Variants in FUBP3 observed in about 807,000 individuals in gnomAD.
FUBP3 encodes far upstream element-binding protein 3.
Under a neutral mutation model 85.6 loss-of-function variants are expected in FUBP3, and 28 were observed. The ratio of observed to expected loss-of-function variants is 0.33; its 90% confidence interval spans 0.24 to 0.45. The LOEUF (loss-of-function observed/expected upper bound fraction) is 0.45. FUBP3 is among the 20% of genes least tolerant of loss of function. FUBP3 has a pLI of 1.00. For missense variants in FUBP3, 583 were observed against 755.1 expected, an observed-to-expected ratio of 0.77 and a Z score of 2.67; for synonymous variants, 271 against 271.4, an observed-to-expected ratio of 1.00 and a Z score of 0.01.
Position 130,616,555 on chromosome 9 carries a change from G to A in FUBP3, c.567+38G>A, listed in dbSNP as rs1019611538. ...GGAGCACGGAGCACAGCGGCCGCTCGCAGCAGGTCTTCAGCTTCCTGGCCC... is the reference window on the plus strand; with the variant it reads ...GGAGCACGGAGCACAGCGGCCGCTCACAGCAGGTCTTCAGCTTCCTGGCCC... On this transcript the variant is annotated intron_variant, in intron 7 of 18. Transcript: ENST00000319725. The surrounding 1 kb of genome is among the most constrained non-coding windows in gnomAD (Gnocchi z 4.7). The A allele has an allele frequency of 1.4e-5, 23 of 1,601,316 alleles. No individual in the cohort carries two copies. The highest frequency in any genetic ancestry group is 1.8e-5 in the Non-Finnish European group (21 of 1,169,596).
At chr9:130,628,509 A>C (rs1264771156) in intron 12 of FUBP3, among the ~76,000 whole-genome samples, 1 of 152,198 alleles carries the variant, frequency 6.6e-6, no homozygotes, top group East Asian at 1.9e-4. Context: ...ATGAACTTAA[A>C]TTAACTCCTT....
At chr9:130,609,015 C>T (rs1831605270) in intron 2 of FUBP3, among the ~76,000 whole-genome samples, 1 of 152,144 alleles carries the variant, frequency 6.6e-6, no homozygotes, top group Non-Finnish European at 1.5e-5. Flanking sequence ...AATAACTTTC[C>T]CCAAAGACGT....
In FUBP3 at chr9:130,631,860, C is replaced by T. The variant is rs544671443; in HGVS notation, c.1353-82C>T. 4.9e-4 allele frequency: 531 copies of T among 1,079,222 alleles called. 5 individuals are homozygous for T. In the South Asian group the frequency reaches 6.6e-3, roughly 13 times the overall value. 66.9% of individuals were successfully genotyped at this position (1,079,222 alleles called of 1,614,324 possible). On this transcript the variant is annotated intron_variant, in intron 14 of 18. Transcript: ENST00000319725. ...GAGGGTCTTCTGTCCCGACTGCCCC[C>T]TCAGTGCCCTGGGGCTGCGGGGAGG... is the stretch of plus-strand genomic sequence containing the variant.
In FUBP3 at chr9:130,584,561, T is replaced by TA. The variant is rs201210240; in HGVS notation, c.84+4805dup. On this transcript the variant is annotated intron_variant, in intron 1 of 18. Transcript: ENST00000319725. ...AAAAGAAACTAGAGTGATTTTGCAT[T>TA]AAAAAAAAGAGAGAGCAAGATTTCG... Among the ~76,000 whole-genome samples the TA allele has an allele frequency of 5.5e-3, 823 of 149,430 alleles. 6 individuals carry two copies. The highest frequency in any genetic ancestry group is 6.4e-3 in the Non-Finnish European group (434 of 67,454).
intron 11 of FUBP3, among the ~76,000 whole-genome samples, chr9:130,625,140 C>T (rs1408209534): frequency 2.0e-5 from 3 of 152,318 alleles, no homozygotes; most frequent in South Asian, 2.1e-4. Flanking sequence ...ACCCAGGAAG[C>T]GGAGGTTGCA....
chr9:130,632,411 C>G, intron 16 of FUBP3, 133 bp downstream of exon 16: 1 of 688,630 alleles, frequency 1.5e-6, no homozygotes, highest in Non-Finnish European at 2.5e-6. Context: ...AAGGAGCCCT[C>G]TGGGTGGGGC....
chr9:130,621,854 T>C (rs895812007), intron 9 of FUBP3, among the ~76,000 whole-genome samples: 1 of 149,998 alleles, frequency 6.7e-6, no homozygotes, highest in Non-Finnish European at 1.5e-5. Context: ...GCAGTGAGCG[T>C]AGATGGTGCC....
In FUBP3 at chr9:130,579,745, C is replaced by T. The variant is rs868038570; in HGVS notation, c.65C>T (p.Ala22Val). 1.6e-6 allele frequency: 2 copies of T among 1,280,856 alleles called. No homozygotes were observed. Among genetic ancestry groups the T allele is most frequent in the Middle Eastern group, 2.8e-4 (1 of 3,574 alleles). 79.3% of individuals were successfully genotyped at this position (1,280,856 alleles called of 1,614,324 possible). Reference protein sequence around the residue: ...VGMKAEGFVDALHRVRQIAAK... With the variant: ...VGMKAEGFVDVLHRVRQIAAK... ...ATGAAGGCCGAGGGCTTCGTGGATGCCCTGCACCGGGTCCGGCAGGTACGG... is the reference window on the plus strand; with the variant it reads ...ATGAAGGCCGAGGGCTTCGTGGATGTCCTGCACCGGGTCCGGCAGGTACGG... Residue 22 changes from alanine to valine, a missense_variant, in exon 1 of 19, where the codon GCC becomes GTC. Around this residue, in one of 3 missense-constraint regions of FUBP3, gnomAD observed 177 missense variants for 221.9 expected, o/e 0.80. Coordinates refer to ENST00000319725, the MANE Select transcript of FUBP3 (RefSeq NM_003934.2).
chr9:130,606,160 A>G (rs566336062), intron 2 of FUBP3, among the ~76,000 whole-genome samples: 1 of 152,242 alleles, frequency 6.6e-6, no homozygotes, highest in African/African-American at 2.4e-5. Flanking sequence ...AGAACACAGG[A>G]AGCCTTTGTA....
chr9:130,606,521 A>T (rs1205988232), intron 2 of FUBP3, among the ~76,000 whole-genome samples: 1 of 152,034 alleles, frequency 6.6e-6, no homozygotes, highest in Admixed American at 6.6e-5. Context: ...GTGGGGGTAT[A>T]ACTATTAAAG....
chr9:130,621,467 T>A (rs1402832471), intron 9 of FUBP3, among the ~76,000 whole-genome samples: 2 of 152,238 alleles, frequency 1.3e-5, no homozygotes, highest in Non-Finnish European at 2.9e-5. Context: ...TAACCCAGCC[T>A]GGATAACAAG....
At chr9:130,631,706 C>T (rs1830217884) in intron 14 of FUBP3, 76 bp downstream of exon 14, 2 of 1,218,014 alleles carry the variant, frequency 1.6e-6, no homozygotes, top group Admixed American at 1.9e-5. Context: ...CCAGCTACTT[C>T]TAGCGAGTGC....
intron 1 of FUBP3, among the ~76,000 whole-genome samples, chr9:130,588,103 G>T (rs1042684197): frequency 5.9e-5 from 9 of 152,150 alleles, no homozygotes; most frequent in Non-Finnish European, 5.9e-5. Flanking sequence ...TGGGTGCCAG[G>T]CAAGGATTCT....
In FUBP3 at chr9:130,579,766, T is replaced by C; in HGVS notation, c.84+2T>C. 1 of 1,275,084 alleles carries C rather than the reference T, an allele frequency of 7.8e-7. No individual in the cohort carries two copies. The allele number at this position is 1,275,084 out of a possible 1,614,324, so 79.0% of individuals were successfully genotyped here. On this transcript the variant is annotated splice_donor_variant, in intron 1 of 18. Coordinates refer to ENST00000319725, the MANE Select transcript of FUBP3 (RefSeq NM_003934.2). LOFTEE classifies it high-confidence loss of function. The stretch of plus-strand genomic sequence containing the variant: ...GATGCCCTGCACCGGGTCCGGCAGG[T>C]ACGGGCGCAGCCGGCTGGCAGGAGC...
chr9:130,603,850 C>T (rs989003995), intron 2 of FUBP3, among the ~76,000 whole-genome samples: 1 of 152,134 alleles, frequency 6.6e-6, no homozygotes, highest in Non-Finnish European at 1.5e-5. Flanking sequence ...TTGGGAGTGT[C>T]ACAAAACTAA....
At chr9:130,583,952 G>A (rs1465259486) in intron 1 of FUBP3, among the ~76,000 whole-genome samples, 1 of 152,030 alleles carries the variant, frequency 6.6e-6, no homozygotes, top group South Asian at 2.1e-4. Context: ...GCCCAGGCTG[G>A]TCTCGAACTC....
intron 1 of FUBP3, among the ~76,000 whole-genome samples, chr9:130,591,745 A>G (rs902111949): frequency 9.2e-5 from 14 of 152,240 alleles, no homozygotes; most frequent in Admixed American, 3.3e-4. Flanking sequence ...TGAAGTGAGC[A>G]TGAATTAAGA....
Position 130,604,586 on chromosome 9 carries a change from T to C in FUBP3, c.191-5368T>C, listed in dbSNP as rs73547996. 2.5e-3 allele frequency among the ~76,000 whole-genome samples: 380 copies of C among 152,302 alleles called. 2 individuals carry two copies. The highest frequency in any genetic ancestry group is 8.9e-3 in the African/African-American group (368 of 41,564). ...TCAGATTATCATGAGGGTTATATCA[T>C]GTTATTTTCAAGCTTTAAGAAATAC... On this transcript the variant is annotated intron_variant, in intron 2 of 18. Coordinates refer to ENST00000319725, the MANE Select transcript of FUBP3 (RefSeq NM_003934.2).
rs939193803 is a variant in FUBP3 at position 130,637,204 on chromosome 9, G to C, written c.*182G>C. 1.3e-5 allele frequency: 8 copies of C among 609,860 alleles called. No homozygotes were observed. The highest frequency in any genetic ancestry group is 8.8e-6 in the Non-Finnish European group (3 of 341,590). The allele number at this position is 609,860 out of a possible 1,614,324, so 37.8% of individuals were successfully genotyped here. A position where few individuals can be genotyped will look rare whatever the true frequency, so the allele number is the denominator to read the frequency against. On this transcript the variant is annotated 3_prime_UTR_variant, in exon 19 of 19. Coordinates refer to ENST00000319725, the MANE Select transcript of FUBP3 (RefSeq NM_003934.2). The stretch of plus-strand genomic sequence containing the variant: ...GGAAAATTAGTTACTAAAAATTGCT[G>C]ATCATTTTTGTTTCATTATTTTTGT...
Sources: gnomAD v4.1 joint callset for allele counts (sites outside exome capture counted in the v4.1 genomes callset) on GRCh38, gnomAD v4.1.1 for gene constraint, gnomAD v4.1.1 regional missense constraint, Gnocchi (gnomAD v3.1) non-coding constraint, MANE v1.5 for transcripts, NCBI Gene and HGNC (gene_info 2026-07-23, HGNC 2026-07-21) for gene names.